Variants in FGF14 observed in about 807,000 individuals in gnomAD.
The protein encoded by FGF14 is fibroblast growth factor homologous factor 4.
FGF14 carries 5 observed loss-of-function variants against 25.5 expected under a neutral mutation model. The observed-to-expected ratio is 0.20, with a 90% CI of 0.10 to 0.41. The LOEUF is 0.41. Ranked by LOEUF, FGF14 falls within the 10% of genes least tolerant of loss-of-function variation. The pLI, the probability that FGF14 is intolerant of heterozygous loss-of-function variation, is 1.00. For synonymous variants in FGF14, 138 were observed against 118.3 expected (o/e 1.17, Z -1.08); for missense variants, 222 against 320.1 (o/e 0.69, Z 2.34).
chr13:101,847,964 C>T (rs746137635), intron 3 of FGF14, among the ~76,000 whole-genome samples: 1 of 151,854 alleles, frequency 6.6e-6, no homozygotes, highest in African/African-American at 2.4e-5. Context: ...TGGAAACAAC[C>T]AGTATTAAAT....
At chr13:102,102,594 G>A (rs2044713249) in intron 1 of FGF14, among the ~76,000 whole-genome samples, 1 of 152,170 alleles carries the variant, frequency 6.6e-6, no homozygotes, top group African/African-American at 2.4e-5. Context: ...AAGACTCCAT[G>A]GTGCCCTGCC....
intron 1 of FGF14, among the ~76,000 whole-genome samples, chr13:102,047,721 C>T (rs978716960): frequency 2.6e-5 from 4 of 152,016 alleles, no homozygotes; most frequent in African/African-American, 9.7e-5. Flanking sequence ...GGAGATATAC[C>T]TAATGCTAAA....
At chr13:102,327,180 C>G (rs1290607159) in intron 1 of FGF14, among the ~76,000 whole-genome samples, 1 of 148,190 alleles carries the variant, frequency 6.7e-6, no homozygotes, top group Non-Finnish European at 1.5e-5. Flanking sequence ...ATTGCATAAA[C>G]TATTTAAGTC....
intron 1 of FGF14, among the ~76,000 whole-genome samples, chr13:102,029,054 A>G (rs1050049601): frequency 1.3e-5 from 2 of 152,076 alleles, no homozygotes; most frequent in Admixed American, 1.3e-4. Context: ...TGATTTATAT[A>G]CAAACAATGG....
chr13:101,775,916 C>T (rs1480931263), intron 3 of FGF14, among the ~76,000 whole-genome samples: 1 of 152,114 alleles, frequency 6.6e-6, no homozygotes, highest in Non-Finnish European at 1.5e-5. Flanking sequence ...ATTAGAAACG[C>T]TGTATTTCTG....
chr13:101,832,006 GA>G (rs1045868811), intron 3 of FGF14, among the ~76,000 whole-genome samples: 4 of 151,834 alleles, frequency 2.6e-5, no homozygotes, highest in African/African-American at 4.8e-5. Flanking sequence ...TACGTTATTA[GA>G]AAAAAAAGTT....
At chr13:102,125,830 C>G (rs2045927246) in intron 1 of FGF14, among the ~76,000 whole-genome samples, 1 of 152,030 alleles carries the variant, frequency 6.6e-6, no homozygotes, top group Non-Finnish European at 1.5e-5. Context: ...TCTAACTTTC[C>G]TTTTGGCAAC....
chr13:101,954,702 G>GTA (rs1566489366), intron 1 of FGF14, among the ~76,000 whole-genome samples: 1 of 140,484 alleles, frequency 7.1e-6, no homozygotes, highest in Non-Finnish European at 1.5e-5. Flanking sequence ...CACTGAAAGT[G>GTA]TGTGTGTGTG....
intron 1 of FGF14, among the ~76,000 whole-genome samples, chr13:101,968,413 C>T (rs1262353194): frequency 6.6e-6 from 1 of 152,070 alleles, no homozygotes; most frequent in African/African-American, 2.4e-5. Flanking sequence ...GTGGCTCATG[C>T]CTGTAATCCC....
At chr13:102,014,795 A>G (rs1188989939) in intron 1 of FGF14, among the ~76,000 whole-genome samples, 1 of 152,204 alleles carries the variant, frequency 6.6e-6, no homozygotes, top group Admixed American at 6.5e-5. Flanking sequence ...ATTAATCGCC[A>G]TGGTTCTTTG....
chr13:102,365,567 T>C (rs2139065154), intron 1 of FGF14, among the ~76,000 whole-genome samples: 1 of 152,288 alleles, frequency 6.6e-6, no homozygotes, highest in African/African-American at 2.4e-5. Flanking sequence ...TTAGAAACTT[T>C]TGCGTTATCT....
At chr13:101,906,547 A>C (rs1412383888) in intron 1 of FGF14, among the ~76,000 whole-genome samples, 1 of 152,174 alleles carries the variant, frequency 6.6e-6, no homozygotes, top group Non-Finnish European at 1.5e-5. Context: ...TTGGATTCTG[A>C]AGAAAACAAA....
At chr13:102,262,423 G>A (rs1395133581) in intron 1 of FGF14, among the ~76,000 whole-genome samples, 1 of 151,784 alleles carries the variant, frequency 6.6e-6, no homozygotes, top group African/African-American at 2.4e-5. Flanking sequence ...CTGTCCCTGT[G>A]AGGAACTTTA....
At chr13:102,348,675 CCA>C (rs2057184178) in intron 1 of FGF14, among the ~76,000 whole-genome samples, 1 of 152,148 alleles carries the variant, frequency 6.6e-6, no homozygotes, top group Non-Finnish European at 1.5e-5. Flanking sequence ...CACCTAGAAA[CCA>C]CAGTTTGAAA....
chr13:102,331,154 C>T (rs905289909), intron 1 of FGF14, among the ~76,000 whole-genome samples: 6 of 152,106 alleles, frequency 3.9e-5, no homozygotes, highest in African/African-American at 1.4e-4. Context: ...ATAAAGCAGT[C>T]AGAAAATTCC....
At chr13:101,990,802 T>C (rs140332362) in intron 1 of FGF14, among the ~76,000 whole-genome samples, 2 of 152,126 alleles carry the variant, frequency 1.3e-5, no homozygotes, top group African/African-American at 4.8e-5. Flanking sequence ...TTCTGGCTTG[T>C]TAGGAGCCAT....
intron 1 of FGF14, among the ~76,000 whole-genome samples, chr13:101,893,232 C>G (rs925415580): frequency 1.3e-5 from 2 of 152,130 alleles, no homozygotes; most frequent in African/African-American, 4.8e-5. Context: ...TCCTATTCAC[C>G]CTGTCATCAC....
intron 1 of FGF14, among the ~76,000 whole-genome samples, chr13:102,272,997 C>T (rs4772459): frequency 0.78 from 118,057 of 152,174 alleles, 46,660 homozygotes; most frequent in African/African-American, 0.93. Context: ...GCAGGTTAGG[C>T]TGTCATTGTT....
At chr13:102,260,197 G>A (rs956079433) in intron 1 of FGF14, among the ~76,000 whole-genome samples, 2 of 152,202 alleles carry the variant, frequency 1.3e-5, no homozygotes, top group Non-Finnish European at 2.9e-5. Flanking sequence ...GGTCACAGTT[G>A]AAATCTAGTT....
Sources: allele counts gnomAD v4.1 joint callset (sites outside exome capture counted in the v4.1 genomes callset), GRCh38; gene constraint gnomAD v4.1.1; transcripts MANE v1.5; gene names NCBI Gene and HGNC (gene_info 2026-07-23, HGNC 2026-07-21).